The following BCAS1 variants were observed in gnomAD, a reference collection of about 807,000 sequenced individuals.
BCAS1 encodes breast carcinoma-amplified sequence 1.
In BCAS1, 46 loss-of-function variants were observed where a neutral mutation model predicts 65.4. The observed-to-expected ratio is 0.70, with a 90% CI of 0.55 to 0.90. The LOEUF is 0.90. BCAS1 is among the 40% of genes least tolerant of loss of function. The pLI is 0.00. For synonymous variants in BCAS1, 298 were observed against 293.5 expected (o/e 1.02, Z -0.16); for missense variants, 793 against 771.2 (o/e 1.03, Z -0.33).
intron 9 of BCAS1, 97 bp from the exon 10 acceptor site, chr20:53,967,170 T>C (rs2090056700): frequency 1.1e-5 from 14 of 1,253,142 alleles, no homozygotes; most frequent in Admixed American, 4.3e-5. Flanking sequence ...CCTGTCCACA[T>C]AGTAGCTACA....
chr20:53,955,420 G>C (rs1219367360), intron 11 of BCAS1, among the ~76,000 whole-genome samples: 2 of 152,226 alleles, frequency 1.3e-5, no homozygotes, highest in African/African-American at 4.8e-5. Flanking sequence ...TCCTTAGAAT[G>C]AAACAGAAAC....
intron 6 of BCAS1, 99 bp downstream of exon 6, chr20:53,994,913 A>ACACG: frequency 1.1e-6 from 1 of 947,316 alleles, no homozygotes; most frequent in Non-Finnish European, 1.7e-6. Context: ...ACACACACAC[A>ACACG]CACATATATG....
intron 3 of BCAS1, among the ~76,000 whole-genome samples, chr20:54,041,623 C>CA (rs2091994224): frequency 6.6e-6 from 1 of 152,062 alleles, no homozygotes; most frequent in Admixed American, 6.5e-5. Flanking sequence ...TGGCTTAACG[C>CA]CTGTAATCCT....
chr20:53,944,925 C>T lies in BCAS1; in HGVS notation c.1887G>A (p.Lys629=), dbSNP rs868713130. 1.9e-6 allele frequency: 3 copies of T among 1,613,892 alleles called. No homozygotes were observed. Among genetic ancestry groups the T allele is most frequent in the Non-Finnish European group, 8.5e-7 (1 of 1,179,958 alleles). Residue 629 remains lysine, a synonymous_variant, in exon 13 of 13, where the codon AAG becomes AAA. Transcript: ENST00000688948. ...PVSIGPVGKS[K] ...GGTGGGAACCGTGCTGATTTGTTTA[C>T]TTGGATTTGCCAACTGGTCCGATGG... is the stretch of plus-strand genomic sequence containing the variant.
At position 53,990,563 on chromosome 20, in the gene BCAS1, G is replaced by A. The variant is rs740372; in HGVS notation, c.1062+1949C>T. On this transcript the variant is annotated intron_variant, in intron 7 of 12. Transcript: ENST00000688948. ...ATCCTTCAATTTGCTTGAATTTCTC[G>A]TTTTCTTTTCCAGGTGACAAACCCA... Among the ~76,000 whole-genome samples the A allele has an allele frequency of 4.0e-5, 6 of 151,750 alleles. No homozygotes were observed. The East Asian group carries it at 5.8e-4, about 15-fold the overall frequency.
chr20:54,053,828 C>G (rs969686184), intron 3 of BCAS1, among the ~76,000 whole-genome samples: 3 of 152,188 alleles, frequency 2.0e-5, no homozygotes, highest in Non-Finnish European at 4.4e-5. Flanking sequence ...GCCTCTTTGG[C>G]TGTTTGCTTA....
chr20:53,974,912 C>A (rs768288996), intron 9 of BCAS1, among the ~76,000 whole-genome samples: 1 of 152,150 alleles, frequency 6.6e-6, no homozygotes, highest in Non-Finnish European at 1.5e-5. Flanking sequence ...GTCAAGTCAG[C>A]GCTCTAACCT....
intron 8 of BCAS1, among the ~76,000 whole-genome samples, chr20:53,981,561 G>A (rs1281970381): frequency 1.5e-5 from 2 of 134,984 alleles, no homozygotes; most frequent in African/African-American, 2.8e-5. Context: ...TTTTTTACTC[G>A]ATCCTCCCAA....
intron 8 of BCAS1, among the ~76,000 whole-genome samples, chr20:53,977,875 CT>C (rs919167398): frequency 9.9e-5 from 15 of 152,116 alleles, no homozygotes; most frequent in African/African-American, 3.4e-4. Flanking sequence ...TGTTCTAATT[CT>C]TTTTTTAATT....
chr20:54,054,655 CTT>C (rs1416054689), intron 3 of BCAS1, among the ~76,000 whole-genome samples: 5 of 152,186 alleles, frequency 3.3e-5, no homozygotes, highest in Non-Finnish European at 5.9e-5. Context: ...AACTGGGACT[CTT>C]TACAAACTCT....
chr20:54,064,021 T>C (rs2092407242), intron 1 of BCAS1, among the ~76,000 whole-genome samples: 1 of 152,172 alleles, frequency 6.6e-6, no homozygotes, highest in African/African-American at 2.4e-5. Flanking sequence ...GAAATTAGAC[T>C]TGTGTTTGAG....
At chr20:54,044,709 G>A (rs1033708000) in intron 3 of BCAS1, among the ~76,000 whole-genome samples, 17 of 151,666 alleles carry the variant, frequency 1.1e-4, no homozygotes, top group African/African-American at 4.1e-4. Flanking sequence ...GCGGTGGCAC[G>A]CGCCTGTAAT....
At chr20:54,065,185 T>A (rs865938510) in intron 1 of BCAS1, among the ~76,000 whole-genome samples, 14 of 150,736 alleles carry the variant, frequency 9.3e-5, no homozygotes, top group South Asian at 2.1e-4. Flanking sequence ...TCTATCTATC[T>A]CACACACACT....
chr20:54,054,158 C>T (rs891087642), intron 3 of BCAS1, among the ~76,000 whole-genome samples: 2 of 152,136 alleles, frequency 1.3e-5, no homozygotes, highest in Non-Finnish European at 2.9e-5. Context: ...AAACATGCCC[C>T]TATGATTCAA....
chr20:54,033,219 C>T (rs2091837480), intron 3 of BCAS1, among the ~76,000 whole-genome samples: 1 of 151,058 alleles, frequency 6.6e-6, no homozygotes, highest in Admixed American at 6.6e-5. Flanking sequence ...CGTTAACAAT[C>T]TAACCTCACA....
intron 4 of BCAS1, among the ~76,000 whole-genome samples, chr20:54,000,117 G>T (rs1468792229): frequency 6.6e-6 from 1 of 152,142 alleles, no homozygotes; most frequent in East Asian, 1.9e-4. Context: ...GCTGCTAATT[G>T]CTTTATTTTT....
At chr20:54,008,327 A>T (rs2091247653) in intron 4 of BCAS1, among the ~76,000 whole-genome samples, 1 of 152,168 alleles carries the variant, frequency 6.6e-6, no homozygotes, top group Non-Finnish European at 1.5e-5. Context: ...CGGGGACCAC[A>T]TGGGGAGCCT....
At chr20:54,061,165 C>T (rs1454742598) in intron 1 of BCAS1, among the ~76,000 whole-genome samples, 4 of 152,098 alleles carry the variant, frequency 2.6e-5, no homozygotes, top group African/African-American at 4.8e-5. Flanking sequence ...AGCCGAAACT[C>T]GAGGGGGTTA....
rs1568895742 is a variant in BCAS1, at chr20:54,028,728, T to G, written c.387A>C (p.Pro129=). Residue 129 remains proline, a synonymous_variant, in exon 4 of 13, where the codon CCA becomes CCC. Transcript: ENST00000688948. ...VKLDVSSNKA[P]ANKDPSESWT... ...AGCTCTCACTTGGGTCTTTGTTCGC[T>G]GGAGCTTTATTGGAGCTGACATCAA... The G allele has an allele frequency of 6.2e-7, 1 of 1,614,208 alleles. No homozygotes were observed.
Sources: gnomAD v4.1 joint callset for allele counts (sites outside exome capture counted in the v4.1 genomes callset) on GRCh38, gnomAD v4.1.1 for gene constraint, MANE v1.5 for transcripts, NCBI Gene and HGNC (gene_info 2026-07-23, HGNC 2026-07-21) for gene names.